The following BIRC6 variants were observed in gnomAD, a reference collection of about 807,000 sequenced individuals.
The protein encoded by BIRC6 is baculoviral IAP repeat containing 6.
Under a neutral mutation model 503.3 loss-of-function variants are expected in BIRC6, and 98 were observed. The ratio of observed to expected loss-of-function variants is 0.19; its 90% CI spans 0.17 to 0.23. BIRC6 has a LOEUF of 0.23. Ranked by LOEUF, BIRC6 falls within the 10% of genes least tolerant of loss-of-function variation. BIRC6 has a pLI of 1.00. For missense variants in BIRC6, 5,360 were observed against 5,806.0 expected (o/e 0.92, Z 2.50); for synonymous variants, 2,240 against 2,078.7 (o/e 1.08, Z -2.11).
intron 49 of BIRC6, among the ~76,000 whole-genome samples, 172 bp downstream of exon 49, chr2:32,503,408 C>CTTTG (rs146429810): frequency 0.026 from 4,000 of 151,076 alleles, 153 homozygotes; most frequent in African/African-American, 0.09. Context: ...AGAGGGAATG[C>CTTTG]TTTGTTTGTT....
rs1405703304 is a variant in BIRC6, at chr2:32,453,790, C to T, written c.4619-18C>T. The T allele has an allele frequency of 1.9e-6, 3 of 1,608,854 alleles. No homozygotes were observed. In the African/African-American group the frequency reaches 4.0e-5, roughly 22 times the overall value. ...AAAATTATCTTCACGTGTTATAAAA[C>T]TTGTCTTTTGCCATTAGGAAATGGA... On this transcript the variant is annotated intron_variant, in intron 22 of 73. Coordinates refer to ENST00000421745, the MANE Select transcript of BIRC6 (RefSeq NM_016252.4).
At chr2:32,511,942 CA>C (rs1290601583) in intron 53 of BIRC6, among the ~76,000 whole-genome samples, 7 of 152,022 alleles carry the variant, frequency 4.6e-5, no homozygotes, top group Non-Finnish European at 8.8e-5. Context: ...TTTAAAATAT[CA>C]GTGTTAAATA....
intron 9 of BIRC6, among the ~76,000 whole-genome samples, chr2:32,408,203 G>A (rs970301583): frequency 6.6e-6 from 1 of 152,090 alleles, no homozygotes; most frequent in African/African-American, 2.4e-5. Flanking sequence ...CCTGACCTCA[G>A]GTGATCTGCC....
At chr2:32,453,552 GA>G (rs1487383348) in intron 22 of BIRC6, among the ~76,000 whole-genome samples, 1 of 152,124 alleles carries the variant, frequency 6.6e-6, no homozygotes, top group Non-Finnish European at 1.5e-5. Flanking sequence ...CATGTTACAG[GA>G]AACTACCACT....
At chr2:32,567,316 A>C (rs1266165651) in intron 65 of BIRC6, among the ~76,000 whole-genome samples, 1 of 152,192 alleles carries the variant, frequency 6.6e-6, no homozygotes. Flanking sequence ...CTTTTGGGGA[A>C]TCCCCATATC....
chr2:32,402,874 A>G (rs759322897), intron 8 of BIRC6, among the ~76,000 whole-genome samples: 1 of 152,206 alleles, frequency 6.6e-6, no homozygotes, highest in Non-Finnish European at 1.5e-5. Context: ...TGGAATCAAA[A>G]TATACTTCTA....
intron 53 of BIRC6, among the ~76,000 whole-genome samples, chr2:32,512,435 A>G (rs946779438): frequency 6.6e-6 from 1 of 152,208 alleles, no homozygotes; most frequent in Non-Finnish European, 1.5e-5. Flanking sequence ...TCTTGTTATT[A>G]ATGTTAGTTC....
At chr2:32,419,268 A>G (rs1234152481) in intron 10 of BIRC6, among the ~76,000 whole-genome samples, 2 of 152,210 alleles carry the variant, frequency 1.3e-5, no homozygotes, top group Non-Finnish European at 2.9e-5. Context: ...AGTATATTCA[A>G]ATAACATAAA....
chr2:32,521,263 G>T, intron 57 of BIRC6, among the ~76,000 whole-genome samples: 1 of 144,918 alleles, frequency 6.9e-6, no homozygotes. Flanking sequence ...TGTAGCTTTT[G>T]ACAGTATACT....
intron 8 of BIRC6, 107 bp downstream of exon 8, chr2:32,401,730 TTA>T: frequency 1.0e-6 from 1 of 968,876 alleles, no homozygotes; most frequent in Non-Finnish European, 1.5e-6. Flanking sequence ...AGTTACGCAG[TTA>T]AGAGATCAGA....
rs2037405147 is a variant in BIRC6 at position 32,380,099 on chromosome 2, G to T, written c.508-54G>T. 2.4e-6 allele frequency: 3 copies of T among 1,260,660 alleles called. No homozygotes were observed. In the South Asian group the frequency reaches 5.2e-5, roughly 22 times the overall value. 78.1% of individuals were successfully genotyped at this position (1,260,660 alleles called of 1,614,324 possible). ...AAAGAGGATCTGAATTTAATTTTTT[G>T]TTGTTCTTGTGTTGAATTTTCTGTG... On this transcript the variant is annotated intron_variant, in intron 2 of 73. Coordinates refer to ENST00000421745, the MANE Select transcript of BIRC6 (RefSeq NM_016252.4).
At chr2:32,369,991 T>C (rs2035670896) in intron 1 of BIRC6, among the ~76,000 whole-genome samples, 1 of 119,738 alleles carries the variant, frequency 8.4e-6, no homozygotes, top group South Asian at 2.8e-4. Context: ...TATATGTATG[T>C]ATGTATGTGT....
chr2:32,431,095 A>C lies in BIRC6; in HGVS notation c.3248+5A>C. On this transcript the variant is annotated splice_donor_5th_base_variant and intron_variant, in intron 12 of 73. Coordinates refer to ENST00000421745, the MANE Select transcript of BIRC6 (RefSeq NM_016252.4). ...TTGGAAACTACAGACCGACAGGTAA[A>C]AGATATTCCCAAGATAATTAATTTT... is the stretch of plus-strand genomic sequence containing the variant. 1 of 1,593,274 alleles carries C rather than the reference A, an allele frequency of 6.3e-7. No individual in the cohort carries two copies. The highest frequency in any genetic ancestry group is 8.6e-7 in the Non-Finnish European group (1 of 1,163,338).
At chr2:32,575,089 A>T in intron 65 of BIRC6, 67 bp from the exon 66 acceptor site, 1 of 1,535,752 alleles carries the variant, frequency 6.5e-7, no homozygotes, top group Non-Finnish European at 9.0e-7. Flanking sequence ...TAAAAGCTAC[A>T]TTCCTGTGGA....
chr2:32,393,946 CTATATA>C (rs10580859), intron 5 of BIRC6, among the ~76,000 whole-genome samples: 168 of 145,552 alleles, frequency 1.2e-3, no homozygotes, highest in Admixed American at 1.5e-3. Flanking sequence ...AACCAGAAAA[CTATATA>C]TATATATATA....
At chr2:32,476,426 A>G in intron 34 of BIRC6, 82 bp downstream of exon 34, 2 of 1,414,738 alleles carry the variant, frequency 1.4e-6, no homozygotes, top group Non-Finnish European at 1.9e-6. Context: ...AAACTTAAAT[A>G]TACATTACTC....
chr2:32,456,850 A>G (rs1016041120), intron 23 of BIRC6, among the ~76,000 whole-genome samples: 1 of 152,144 alleles, frequency 6.6e-6, no homozygotes, highest in African/African-American at 2.4e-5. Context: ...TTTGTCATCA[A>G]GTTTTATACA....
intron 49 of BIRC6, among the ~76,000 whole-genome samples, chr2:32,503,743 T>A (rs1186721773): frequency 1.3e-5 from 2 of 151,974 alleles, no homozygotes; most frequent in African/African-American, 4.8e-5. Context: ...TTTTAACAGT[T>A]CTTTAGCAGT....
At chr2:32,547,690 A>T (rs1212102242) in intron 63 of BIRC6, among the ~76,000 whole-genome samples, 160 bp from the exon 64 acceptor site, 1 of 152,236 alleles carries the variant, frequency 6.6e-6, no homozygotes, top group Non-Finnish European at 1.5e-5. Flanking sequence ...TACTAGAAGT[A>T]GAATTGCTGG....
Sources: gnomAD v4.1 joint callset for allele counts (sites outside exome capture counted in the v4.1 genomes callset) on GRCh38, gnomAD v4.1.1 for gene constraint, MANE v1.5 for transcripts, NCBI Gene and HGNC (gene_info 2026-07-23, HGNC 2026-07-21) for gene names.